CEP63: variants seen among roughly 807,000 people sequenced by gnomAD.
The protein encoded by CEP63 is centrosomal protein of 63 kDa.
Under a neutral mutation model 89.1 loss-of-function variants are expected in CEP63, and 84 were observed. The ratio of observed to expected loss-of-function variants is 0.94; its 90% CI spans 0.79 to 1.13. CEP63 has a LOEUF of 1.13. Among genes scored for constraint, CEP63 ranks in the 50% most tolerant of loss-of-function variants. The pLI, the probability that CEP63 is intolerant of heterozygous loss-of-function variation, is 0.00. For missense variants in CEP63, 838 were observed against 813.3 expected, an observed-to-expected ratio of 1.03 and a Z score of -0.37; for synonymous variants, 267 against 272.5, an observed-to-expected ratio of 0.98 and a Z score of 0.20.
At chr3:134,766,436 C>T in the CEP63 span, among the ~76,000 whole-genome samples, 1 of 152,264 alleles carries the variant, frequency 6.6e-6, no homozygotes, top group Non-Finnish European at 1.5e-5. Context: ...AACATGAGCC[C>T]TTGCCCAGTG....
downstream of CEP63, among the ~76,000 whole-genome samples, chr3:134,575,244 TTC>T: frequency 2.0e-5 from 2 of 98,596 alleles, no homozygotes; most frequent in Non-Finnish European, 4.0e-5. Context: ...CCTTCCTTCC[TTC>T]CTTCCTTCCT....
the CEP63 span, among the ~76,000 whole-genome samples, chr3:134,617,839 A>G: frequency 6.6e-6 from 1 of 152,108 alleles, no homozygotes; most frequent in Non-Finnish European, 1.5e-5. Flanking sequence ...CACACAGTGC[A>G]GGGCTGGAAA....
chr3:134,549,917 A>C, intron 10 of CEP63, 146 bp from the exon 11 acceptor site: 1 of 687,816 alleles, frequency 1.5e-6, no homozygotes, highest in South Asian at 1.8e-5. Flanking sequence ...CAACTTGGTA[A>C]ATTGCTAATT....
chr3:134,585,780 T>G (rs1958471505), intron 10 of CEP63, among the ~76,000 whole-genome samples: 1 of 152,090 alleles, frequency 6.6e-6, no homozygotes, highest in Non-Finnish European at 1.5e-5. Flanking sequence ...CTGTCCAATA[T>G]TGACAGAAGG....
the CEP63 span, among the ~76,000 whole-genome samples, chr3:134,677,972 C>G: frequency 6.6e-6 from 1 of 151,972 alleles, no homozygotes; most frequent in South Asian, 2.1e-4. Flanking sequence ...CAGTCTTCTC[C>G]CCTCCAGTTC....
the CEP63 span, among the ~76,000 whole-genome samples, chr3:134,602,381 G>C: frequency 6.6e-6 from 1 of 152,174 alleles, no homozygotes; most frequent in Non-Finnish European, 1.5e-5. Context: ...GGAGCCCTGA[G>C]CTGTCCCCAT....
At chr3:134,656,031 T>C in the CEP63 span, among the ~76,000 whole-genome samples, 1 of 152,174 alleles carries the variant, frequency 6.6e-6, no homozygotes, top group African/African-American at 2.4e-5. Flanking sequence ...ATGGTTACAC[T>C]GTAAAGAGAG....
chr3:134,753,393 A>G, the CEP63 span, among the ~76,000 whole-genome samples: 1 of 152,088 alleles, frequency 6.6e-6, no homozygotes, highest in African/African-American at 2.4e-5. Context: ...CAAGCACTAT[A>G]TGGGCCGAAA....
At chr3:134,568,835 A>G (rs188227952), downstream of CEP63, among the ~76,000 whole-genome samples, 51 of 152,352 alleles carry the variant, frequency 3.3e-4, 1 homozygote, top group African/African-American at 1.2e-3. Context: ...TAAGTGTTTT[A>G]TTAGTCCATT....
At chr3:134,648,106 G>A in the CEP63 span, among the ~76,000 whole-genome samples, 1 of 152,368 alleles carries the variant, frequency 6.6e-6, no homozygotes, top group East Asian at 1.9e-4. Context: ...TAGCCGCAAG[G>A]TCGAGTTCCT....
chr3:134,760,215 C>G, the CEP63 span, among the ~76,000 whole-genome samples: 2 of 151,910 alleles, frequency 1.3e-5, no homozygotes, highest in Non-Finnish European at 2.9e-5. Flanking sequence ...CCCGCCACCA[C>G]GCCCGGCTAA....
the CEP63 span, among the ~76,000 whole-genome samples, chr3:134,781,515 G>A: frequency 6.6e-6 from 1 of 152,220 alleles, no homozygotes; most frequent in Non-Finnish European, 1.5e-5. Context: ...GAGGAAGGCG[G>A]GAGAGGGTGG....
the CEP63 span, among the ~76,000 whole-genome samples, chr3:134,775,084 G>A: frequency 7.2e-5 from 11 of 152,158 alleles, no homozygotes; most frequent in South Asian, 2.1e-4. Flanking sequence ...ACCTCCGGTG[G>A]TGACTGTCTT....
chr3:134,501,144 T>C (rs182093472), intron 2 of CEP63, among the ~76,000 whole-genome samples: 2 of 152,338 alleles, frequency 1.3e-5, no homozygotes, highest in Non-Finnish European at 2.9e-5. Context: ...GATCAGTTCA[T>C]TGTAAGCGTG....
chr3:134,657,117 T>A, the CEP63 span, among the ~76,000 whole-genome samples: 1 of 152,198 alleles, frequency 6.6e-6, no homozygotes, highest in Non-Finnish European at 1.5e-5. Context: ...CAGTTCTATG[T>A]AGTTGGGGAG....
chr3:134,749,609 C>CA, the CEP63 span, among the ~76,000 whole-genome samples: 1 of 144,916 alleles, frequency 6.9e-6, no homozygotes, highest in Non-Finnish European at 1.5e-5. Flanking sequence ...TCTGTGTGTG[C>CA]AACCGGGAGA....
chr3:134,691,976 C>T, the CEP63 span, among the ~76,000 whole-genome samples: 1 of 152,172 alleles, frequency 6.6e-6, no homozygotes, highest in Admixed American at 6.5e-5. Context: ...TCCCAAAGTG[C>T]TGGGATTACA....
intron 2 of CEP63, among the ~76,000 whole-genome samples, chr3:134,495,922 A>G (rs141928674): frequency 2.0e-5 from 3 of 152,330 alleles, no homozygotes; most frequent in Non-Finnish European, 4.4e-5. Flanking sequence ...TTATGGCTGA[A>G]TAGTATTCCA....
chr3:134,689,347 G>A, the CEP63 span, among the ~76,000 whole-genome samples: 9 of 152,250 alleles, frequency 5.9e-5, no homozygotes, highest in South Asian at 4.2e-4. Flanking sequence ...GATGAGAATT[G>A]AAGGACTTCC....
Sources: gnomAD v4.1 joint callset for allele counts (sites outside exome capture counted in the v4.1 genomes callset) on GRCh38, gnomAD v4.1.1 for gene constraint, MANE v1.5 for transcripts, NCBI Gene and HGNC (gene_info 2026-07-23, HGNC 2026-07-21) for gene names.